Variants in PML observed in about 807,000 individuals in gnomAD.
PML encodes the protein PML nuclear body scaffold, also known as protein PML.
A neutral mutation model predicts 65.2 loss-of-function variants in PML; 28 were observed. The observed-to-expected ratio is 0.43, with a 90% CI of 0.32 to 0.59. The LOEUF (loss-of-function observed/expected upper bound fraction) is 0.59, where lower values mean the gene tolerates loss of function less well. Among genes scored for constraint, PML ranks in the 20% least tolerant of loss-of-function variants. The pLI, the probability that PML is intolerant of heterozygous loss-of-function variation, is 0.08. For synonymous variants in PML, 500 were observed against 508.8 expected, an observed-to-expected ratio of 0.98 and a Z score of 0.23; for missense variants, 1,021 against 1,203.4, an observed-to-expected ratio of 0.85 and a Z score of 2.24.
Position 74,045,530 on chromosome 15 carries a change from C to T in PML, c.*522C>T, listed in dbSNP as rs912496222. 4.2e-6 allele frequency: 1 copy of T among 236,510 alleles called. No individual in the cohort carries two copies. The highest frequency in any genetic ancestry group is 8.3e-6 in the Non-Finnish European group (1 of 120,388). The allele number at this position is 236,510 out of a possible 1,614,324, so 14.7% of individuals were successfully genotyped here. A position where few individuals can be genotyped will look rare whatever the true frequency, so the allele number is the denominator to read the frequency against. On this transcript the variant is annotated 3_prime_UTR_variant, in exon 9 of 9. Transcript: ENST00000268058. The stretch of plus-strand genomic sequence containing the variant: ...TTAGGGTCCCCCACCCTCCACCTGC[C>T]CAGAGGCCAACTCTGTTCCCTTCTC...
chr15:74,035,366 T>C lies in PML; in HGVS notation c.1710+836T>C. 6.2e-7 allele frequency: 1 copy of C among 1,612,046 alleles called. No individual in the cohort carries two copies. Among genetic ancestry groups the C allele is most frequent in the Non-Finnish European group, 8.5e-7 (1 of 1,179,950 alleles). Reference sequence around the variant, plus strand: ...CCGCTGAGCAGGCTGCCACCCCCGATGCTGAGCCTCACAGCGAGCCTCCTG... The same window carrying C: ...CCGCTGAGCAGGCTGCCACCCCCGACGCTGAGCCTCACAGCGAGCCTCCTG... On this transcript the variant is annotated intron_variant, in intron 7 of 8. Transcript: ENST00000268058. The surrounding 1 kb of genome is among the most constrained non-coding windows in gnomAD (Gnocchi z 4.1).
In PML at chr15:74,045,294, C is replaced by A; in HGVS notation, c.*286C>A. ...AGGTCCTGAGTGAGGAAGGCATGAC[C>A]TCTGGGCTCTCTAGGTGGCCCTGGT... On this transcript the variant is annotated 3_prime_UTR_variant, in exon 9 of 9. Transcript: ENST00000268058. The A allele has an allele frequency of 2.2e-6, 1 of 453,218 alleles. No individual in the cohort carries two copies. Among genetic ancestry groups the A allele is most frequent in the Non-Finnish European group, 4.0e-6 (1 of 252,246 alleles). 28.1% of individuals were successfully genotyped at this position (453,218 alleles called of 1,614,324 possible).
intron 7 of PML, chr15:74,036,526 A>C: frequency 7.3e-6 from 7 of 961,962 alleles, no homozygotes; most frequent in South Asian, 2.7e-5. Context: ...TTCCTCCCAC[A>C]CTCATGGGCA....
chr15:74,034,099 T>C (rs1416583462), intron 6 of PML: 1 of 379,532 alleles, frequency 2.6e-6, no homozygotes. Flanking sequence ...ATGAAGCGTC[T>C]TTTAACTCTA....
intron 2 of PML, among the ~76,000 whole-genome samples, chr15:74,001,268 C>T (rs1279517911): frequency 6.6e-6 from 1 of 151,892 alleles, no homozygotes; most frequent in Non-Finnish European, 1.5e-5. Flanking sequence ...TTTCTTCCTT[C>T]TAACTTTTGT....
intron 2 of PML, among the ~76,000 whole-genome samples, chr15:74,004,177 A>G (rs1334436978): frequency 1.3e-5 from 2 of 152,152 alleles, no homozygotes; most frequent in African/African-American, 4.8e-5. Flanking sequence ...TGGTGCAATC[A>G]GAGTTCACTG....
chr15:74,037,619 G>C lies in PML; in HGVS notation c.1710+3089G>C, dbSNP rs2071600539. ...TCCTGCGCTTCCCCGCCAGTACCAG[G>C]GTGGCCTCTGTGCCTCTAGGTGCAG... On this transcript the variant is annotated intron_variant, in intron 7 of 8. Coordinates refer to ENST00000268058, the MANE Select transcript of PML (RefSeq NM_033238.3). The surrounding 1 kb of genome is among the most constrained non-coding windows in gnomAD (Gnocchi z 4.2). 1.0e-6 allele frequency: 1 copy of C among 985,208 alleles called. No homozygotes were observed. The highest frequency in any genetic ancestry group is 6.1e-5 in the Admixed American group (1 of 16,262). 61.0% of individuals were successfully genotyped at this position (985,208 alleles called of 1,614,324 possible).
chr15:73,996,986 G>C (rs139903406), intron 1 of PML, among the ~76,000 whole-genome samples: 19 of 152,350 alleles, frequency 1.2e-4, no homozygotes, highest in African/African-American at 4.3e-4. Flanking sequence ...AGCAATGAAA[G>C]CAGAGATTTA....
intron 2 of PML, among the ~76,000 whole-genome samples, chr15:74,007,778 G>A (rs977385702): frequency 1.3e-5 from 2 of 152,148 alleles, no homozygotes; most frequent in Non-Finnish European, 1.5e-5. Context: ...TGTGTTGCAT[G>A]TTCTTTACTA....
intron 3 of PML, among the ~76,000 whole-genome samples, chr15:74,024,486 A>G (rs1200890226): frequency 6.6e-6 from 1 of 152,238 alleles, no homozygotes; most frequent in African/African-American, 2.4e-5. Context: ...ACCAGGCTGC[A>G]GATAAGGAAG....
At chr15:74,034,850 G>T in intron 7 of PML, 1 of 1,438,142 alleles carries the variant, frequency 7.0e-7, no homozygotes, top group Non-Finnish European at 9.1e-7. Context: ...TAAGTCCTCA[G>T]TGAGGAGGGC....
In PML at chr15:74,044,409, C is replaced by T. The variant is rs952161997; in HGVS notation, c.2050C>T (p.Leu684Phe). The change falls in exon 9 of 9, where the codon CTC becomes TTC. Residue 684 changes from leucine (L) to phenylalanine (F), a missense_variant. Coordinates refer to ENST00000268058, the MANE Select transcript of PML (RefSeq NM_033238.3). Reference protein sequence around the residue: ...LACYKLWGPGLPNFFRALEDI... With the variant: ...LACYKLWGPGFPNFFRALEDI... ...CTGCTACAAGCTGTGGGGGCCTGGC[C>T]TCCCAAACTTCTTCCGGGCCCTGGA... The T allele has an allele frequency of 3.1e-6, 5 of 1,614,224 alleles. No individual in the cohort carries two copies. In the East Asian group the frequency reaches 1.1e-4, roughly 36 times the overall value.
In PML at chr15:74,033,059, A is replaced by C. The variant is rs2071391840; in HGVS notation, c.1399-97A>C. ...AGAGCAGAGGAGAGGGGACAGCAGG[A>C]GCAAAAGGGTGGCCACAAGTCCCTG... On this transcript the variant is annotated intron_variant, in intron 5 of 8. Coordinates refer to ENST00000268058, the MANE Select transcript of PML (RefSeq NM_033238.3). 3 of 1,329,492 alleles carry C rather than the reference A, an allele frequency of 2.3e-6. No individual in the cohort carries two copies. The South Asian group carries it at 3.6e-5, about 16-fold the overall frequency. The allele number at this position is 1,329,492 out of a possible 1,614,324, so 82.4% of individuals were successfully genotyped here.
chr15:74,024,210 G>T (rs2070973020), intron 3 of PML, among the ~76,000 whole-genome samples: 1 of 152,186 alleles, frequency 6.6e-6, no homozygotes, highest in Non-Finnish European at 1.5e-5. Flanking sequence ...TGGGAAAGGG[G>T]AGGGAGGCTA....
chr15:73,994,849 C>G lies in PML; in HGVS notation c.37C>G (p.Gln13Glu), dbSNP rs1277045101. ...PAPARSPRPQQDPARPQEPTM... is the reference protein window; with the variant it reads ...PAPARSPRPQEDPARPQEPTM... ...ACCCGCCCGATCTCCGAGGCCCCAGCAGGACCCCGCCCGGCCCCAGGAGCC... is the reference window on the plus strand; with the variant it reads ...ACCCGCCCGATCTCCGAGGCCCCAGGAGGACCCCGCCCGGCCCCAGGAGCC... The change falls in exon 1 of 9, where the codon CAG (glutamine) becomes GAG (glutamate). Residue 13 changes from glutamine to glutamate, a missense_variant. Transcript: ENST00000268058. 1 of 1,559,058 alleles carries G rather than the reference C, an allele frequency of 6.4e-7. No individual in the cohort carries two copies. The highest frequency in any genetic ancestry group is 1.9e-5 in the Admixed American group (1 of 52,722).
Position 74,035,083 on chromosome 15 carries a change from GA to G in PML, c.1710+557del. ...AGGCTGGACTATCACCTGTCCAGGG[GA>G]AAAGGGGATCTGAATAGAGTGAAAG... On this transcript the variant is annotated intron_variant, in intron 7 of 8. Coordinates refer to ENST00000268058, the MANE Select transcript of PML (RefSeq NM_033238.3). The surrounding 1 kb of genome is among the most constrained non-coding windows in gnomAD (Gnocchi z 4.1). 2.4e-6 allele frequency: 3 copies of G among 1,238,240 alleles called. No individual in the cohort carries two copies. The highest frequency in any genetic ancestry group is 2.4e-6 in the Non-Finnish European group (2 of 847,132). The allele number at this position is 1,238,240 out of a possible 1,614,324, so 76.7% of individuals were successfully genotyped here. A position where few individuals can be genotyped will look rare whatever the true frequency, so the allele number is the denominator to read the frequency against.
Position 74,032,671 on chromosome 15 carries a change from G to C in PML, c.1354G>C (p.Val452Leu). 6.2e-7 allele frequency: 1 copy of C among 1,614,210 alleles called. No homozygotes were observed. Among genetic ancestry groups the C allele is most frequent in the Non-Finnish European group, 8.5e-7 (1 of 1,180,018 alleles). ...ACAGTCAGTGCCCGGGGCACACCCC[G>C]TGCCAGTGTACGCCTTCTCCATCAA... ...VVQSVPGAHP[V>L]PVYAFSIKGP... is the part of the protein sequence containing the mutation. The change falls in exon 5 of 9, where the codon GTG (valine) becomes CTG (leucine). Residue 452 changes from valine (V) to leucine (L), a missense_variant. Coordinates refer to ENST00000268058, the MANE Select transcript of PML (RefSeq NM_033238.3).
chr15:74,038,401 C>A (rs1405925251), intron 7 of PML, among the ~76,000 whole-genome samples: 1 of 152,082 alleles, frequency 6.6e-6, no homozygotes, highest in Non-Finnish European at 1.5e-5. Context: ...GAATTAAATA[C>A]CTAGGAGCTC....
chr15:74,009,165 G>C (rs758963273), intron 2 of PML, among the ~76,000 whole-genome samples: 10 of 152,156 alleles, frequency 6.6e-5, no homozygotes, highest in African/African-American at 9.7e-5. Flanking sequence ...GTGGAGCTAA[G>C]TCCTGTCTGC....
Sources: gnomAD v4.1 joint callset for allele counts (sites outside exome capture counted in the v4.1 genomes callset) on GRCh38, gnomAD v4.1.1 for gene constraint, Gnocchi (gnomAD v3.1) non-coding constraint, MANE v1.5 for transcripts, NCBI Gene and HGNC (gene_info 2026-07-23, HGNC 2026-07-21) for gene names.